Variants in CDH11 observed in about 807,000 individuals in gnomAD.
The protein encoded by CDH11 is cadherin-11.
Under a neutral mutation model 67.8 loss-of-function variants are expected in CDH11, and 11 were observed. The observed-to-expected ratio is 0.16, with a 90% CI of 0.10 to 0.27. The LOEUF is 0.27. CDH11 is among the 10% of genes least tolerant of loss of function. The pLI is 1.00. For missense variants in CDH11, 847 were observed against 1,031.2 expected (o/e 0.82, Z 2.45); for synonymous variants, 419 against 400.0 (o/e 1.05, Z -0.57).
intron 1 of CDH11, among the ~76,000 whole-genome samples, chr16:65,095,138 G>A (rs2074866515): frequency 6.6e-6 from 1 of 152,078 alleles, no homozygotes; most frequent in Non-Finnish European, 1.5e-5. Context: ...CCCAGGGTTT[G>A]GGTCCAGGTC....
At chr16:64,992,766 C>A (rs538715120) in intron 5 of CDH11, 149 bp downstream of exon 5, 3 of 595,242 alleles carry the variant, frequency 5.0e-6, no homozygotes, top group Non-Finnish European at 8.2e-6. Context: ...AGGCACAGGC[C>A]AAGTATCTAA....
rs188507713 is a variant in CDH11 at position 64,998,507 on chromosome 16, C to G, written c.523+55G>C. On this transcript the variant is annotated intron_variant, in intron 4 of 12. Coordinates refer to ENST00000268603, the MANE Select transcript of CDH11 (RefSeq NM_001797.4). Reference sequence around the variant, plus strand: ...TTTGGGAGAACGGGCTTCAGCCCACCCACCACAGAGACACCAGGCCTGGAA... The same window carrying G: ...TTTGGGAGAACGGGCTTCAGCCCACGCACCACAGAGACACCAGGCCTGGAA... 1.5e-4 allele frequency: 230 copies of G among 1,546,416 alleles called. 1 individual carries two copies. In the African/African-American group the frequency reaches 2.6e-3, roughly 17 times the overall value.
chr16:65,091,204 T>C (rs933156944), intron 1 of CDH11, among the ~76,000 whole-genome samples: 1 of 152,234 alleles, frequency 6.6e-6, no homozygotes, highest in Non-Finnish European at 1.5e-5. Flanking sequence ...CATAAAAATA[T>C]ACCATAATTT....
rs138551329 is a variant in CDH11 at position 65,119,606 on chromosome 16, G to T, written c.-298+2274C>A. On this transcript the variant is annotated intron_variant, in intron 1 of 12. Transcript: ENST00000268603. ...AAATCTACATGTCTGGGGCTCGCCA[G>T]ATTATCCAGTCTCAATCCTTCCAAG... Among the ~76,000 whole-genome samples, 7 of 152,248 alleles carry T rather than the reference G, an allele frequency of 4.6e-5. No homozygotes were observed. The East Asian group carries it at 9.7e-4, about 21-fold the overall frequency.
intron 2 of CDH11, among the ~76,000 whole-genome samples, chr16:65,013,019 T>A (rs574697457): frequency 2.0e-5 from 3 of 152,346 alleles, no homozygotes; most frequent in South Asian, 4.1e-4. Flanking sequence ...ACTAAGTATC[T>A]CCTTCTATAA....
Position 65,108,483 on chromosome 16 carries a change from A to T in CDH11, c.-298+13397T>A, listed in dbSNP as rs2075102781. Among the ~76,000 whole-genome samples the T allele has an allele frequency of 2.0e-5, 3 of 152,190 alleles. No individual in the cohort carries two copies. In the South Asian group the frequency reaches 6.2e-4, roughly 32 times the overall value. Reference sequence around the variant, plus strand: ...CCCCCAAATAATAACAAAAATGAAAATTGTATCTTATACTATATAGCAGTG... The same window carrying T: ...CCCCCAAATAATAACAAAAATGAAATTTGTATCTTATACTATATAGCAGTG... On this transcript the variant is annotated intron_variant, in intron 1 of 12. Coordinates refer to ENST00000268603, the MANE Select transcript of CDH11 (RefSeq NM_001797.4).
chr16:64,945,957 T>G lies in CDH11; in HGVS notation c.*1646A>C. On this transcript the variant is annotated 3_prime_UTR_variant, in exon 13 of 13. Coordinates refer to ENST00000268603, the MANE Select transcript of CDH11 (RefSeq NM_001797.4). ...CTTTATGTGGTCTTTCCCCAAGTAT[T>G]GCTACGTTTTGACCTTTGGCCCAAC... is the stretch of plus-strand genomic sequence containing the variant. 1 of 1,058,122 alleles carries G rather than the reference T, an allele frequency of 9.5e-7. No homozygotes were observed. The highest frequency in any genetic ancestry group is 1.6e-5 in the African/African-American group (1 of 60,748). The allele number at this position is 1,058,122 out of a possible 1,614,324, so 65.5% of individuals were successfully genotyped here.
At chr16:65,064,528 G>A (rs941953710) in intron 1 of CDH11, among the ~76,000 whole-genome samples, 1 of 152,320 alleles carries the variant, frequency 6.6e-6, no homozygotes, top group East Asian at 1.9e-4. Context: ...CTGGCCTTCA[G>A]AGACAATAAA....
chr16:65,017,600 A>G (rs1405819174), intron 2 of CDH11, among the ~76,000 whole-genome samples: 2 of 152,198 alleles, frequency 1.3e-5, no homozygotes, highest in Non-Finnish European at 2.9e-5. Flanking sequence ...CACAACAGTA[A>G]AGCAAAATAA....
intron 6 of CDH11, among the ~76,000 whole-genome samples, chr16:64,990,489 A>AC (rs929960311): frequency 4.6e-5 from 7 of 151,706 alleles, no homozygotes; most frequent in South Asian, 4.2e-4. Flanking sequence ...TTCATGATGA[A>AC]CCCCCCCATG....
intron 12 of CDH11, chr16:64,948,596 T>A (rs1429719994): frequency 3.1e-6 from 5 of 1,603,364 alleles, no homozygotes; most frequent in Non-Finnish European, 4.3e-6. Flanking sequence ...ACTAACTTAA[T>A]GGGAAGTCTT....
chr16:64,992,830 A>T, intron 5 of CDH11, 85 bp downstream of exon 5: 1 of 1,317,188 alleles, frequency 7.6e-7, no homozygotes, highest in Non-Finnish European at 1.1e-6. Flanking sequence ...CATATTTGAG[A>T]AAACAGAGTA....
At chr16:65,053,756 A>C (rs755609712) in intron 2 of CDH11, 48 bp downstream of exon 2, 1 of 452,076 alleles carries the variant, frequency 2.2e-6, no homozygotes. Context: ...TTCCATCTTG[A>C]CATACATAGT....
intron 1 of CDH11, among the ~76,000 whole-genome samples, chr16:65,092,860 G>A (rs2074815262): frequency 6.7e-6 from 1 of 150,120 alleles, no homozygotes; most frequent in Non-Finnish European, 1.5e-5. Context: ...CTGAAGTCAA[G>A]TCACTTATGT....
At chr16:64,956,418 G>A (rs1384398572) in intron 11 of CDH11, among the ~76,000 whole-genome samples, 2 of 152,232 alleles carry the variant, frequency 1.3e-5, no homozygotes, top group East Asian at 3.8e-4. Flanking sequence ...TCTTGGAAAT[G>A]TCATTGTAGC....
chr16:65,085,998 C>A (rs1354192404), intron 1 of CDH11, among the ~76,000 whole-genome samples: 1 of 152,208 alleles, frequency 6.6e-6, no homozygotes, highest in Non-Finnish European at 1.5e-5. Flanking sequence ...AGTCTGTTAT[C>A]TAATTTAAAA....
intron 9 of CDH11, 106 bp downstream of exon 9, chr16:64,972,798 A>G: frequency 8.5e-7 from 1 of 1,176,636 alleles, no homozygotes; most frequent in South Asian, 1.4e-5. Flanking sequence ...AATCTGTTTA[A>G]GACCAAAAAA....
chr16:65,067,376 G>A (rs2074330417), intron 1 of CDH11, among the ~76,000 whole-genome samples: 1 of 152,134 alleles, frequency 6.6e-6, no homozygotes, highest in East Asian at 1.9e-4. Context: ...ATTTGGCAGT[G>A]GGGGTACAAG....
intron 11 of CDH11, among the ~76,000 whole-genome samples, chr16:64,956,123 A>C (rs2071503427): frequency 6.6e-6 from 1 of 152,240 alleles, no homozygotes; most frequent in Non-Finnish European, 1.5e-5. Context: ...TAAGAAGCAA[A>C]AAACTCAATC....
Sources: allele counts gnomAD v4.1 joint callset (sites outside exome capture counted in the v4.1 genomes callset), GRCh38; gene constraint gnomAD v4.1.1; transcripts MANE v1.5; gene names NCBI Gene and HGNC (gene_info 2026-07-23, HGNC 2026-07-21).